Variants in NKAIN3 observed in about 807,000 individuals in gnomAD.
NKAIN3 encodes sodium/potassium transporting ATPase interacting 3.
Under a neutral mutation model 30.2 loss-of-function variants are expected in NKAIN3, and 25 were observed. That is an observed-to-expected ratio of 0.83 (90% CI 0.60 to 1.16). The LOEUF (loss-of-function observed/expected upper bound fraction) is 1.16, where lower values mean the gene tolerates loss of function less well. Among genes scored for constraint, NKAIN3 ranks in the 50% most tolerant of loss-of-function variants. NKAIN3 has a pLI of 0.00. For missense variants in NKAIN3, 225 were observed against 254.1 expected, an observed-to-expected ratio of 0.89 and a Z score of 0.78; for synonymous variants, 91 against 89.6, an observed-to-expected ratio of 1.02 and a Z score of -0.09.
intron 4 of NKAIN3, among the ~76,000 whole-genome samples, chr8:62,747,743 A>G (rs191495102): frequency 6.6e-6 from 1 of 152,304 alleles, no homozygotes; most frequent in African/African-American, 2.4e-5. Context: ...CACAATGAAG[A>G]GTGGAATTAA....
rs527962662 is a variant in NKAIN3, at chr8:62,935,116, T to C, written c.532+16603T>C. Among the ~76,000 whole-genome samples the C allele has an allele frequency of 3.9e-5, 6 of 152,274 alleles. No individual in the cohort carries two copies. The South Asian group carries it at 8.3e-4, about 21-fold the overall frequency. On this transcript the variant is annotated intron_variant, in intron 5 of 6. Transcript: ENST00000623646. ...TATTCCTCAAAATGTGGCACACTAA[T>C]GAATTTTCCCTTCCAAACTAGCTGT...
chr8:62,765,784 G>C (rs910314846), intron 4 of NKAIN3, among the ~76,000 whole-genome samples: 11 of 151,900 alleles, frequency 7.2e-5, no homozygotes, highest in African/African-American at 2.7e-4. Flanking sequence ...ATGTGTGTAT[G>C]CATATATAAT....
Position 62,975,361 on chromosome 8 carries a change from G to A in NKAIN3, c.*9954G>A, listed in dbSNP as rs948662291. On this transcript the variant is annotated 3_prime_UTR_variant, in exon 7 of 7. Coordinates refer to ENST00000623646, the MANE Select transcript of NKAIN3 (RefSeq NM_001304533.3). The stretch of plus-strand genomic sequence containing the variant: ...TCAGAACTTGTTATTGGTCTATTCA[G>A]GGATTCAACTTCTTCCTGGGTTAGT... Among the ~76,000 whole-genome samples, 1 of 152,044 alleles carries A rather than the reference G, an allele frequency of 6.6e-6. No individual in the cohort carries two copies. Among genetic ancestry groups the A allele is most frequent in the Non-Finnish European group, 1.5e-5 (1 of 68,018 alleles).
At chr8:62,299,042 G>A (rs940571238) in intron 1 of NKAIN3, among the ~76,000 whole-genome samples, 28 of 151,812 alleles carry the variant, frequency 1.8e-4, no homozygotes, top group Non-Finnish European at 3.7e-4. Context: ...GAAAAGTATA[G>A]AGATGAGAAG....
chr8:62,324,155 A>T (rs780779179), intron 1 of NKAIN3, among the ~76,000 whole-genome samples: 16 of 152,140 alleles, frequency 1.1e-4, no homozygotes, highest in Non-Finnish European at 2.1e-4. Flanking sequence ...ATTGTAATAA[A>T]TGTACCACAA....
chr8:62,500,706 G>A (rs1278991737), intron 1 of NKAIN3, among the ~76,000 whole-genome samples: 2 of 152,138 alleles, frequency 1.3e-5, no homozygotes, highest in Admixed American at 6.5e-5. Context: ...GTTTGGGCAG[G>A]AAGGGACAAG....
At chr8:62,946,211 A>G (rs538998968) in intron 5 of NKAIN3, among the ~76,000 whole-genome samples, 2 of 152,302 alleles carry the variant, frequency 1.3e-5, no homozygotes, top group South Asian at 4.1e-4. Context: ...TCGGGATCAC[A>G]AAGTTATTTC....
At chr8:62,685,287 T>C (rs1329626955) in intron 3 of NKAIN3, among the ~76,000 whole-genome samples, 1 of 152,184 alleles carries the variant, frequency 6.6e-6, no homozygotes, top group Non-Finnish European at 1.5e-5. Flanking sequence ...GATCTTCTGA[T>C]TGGTCTCTAT....
At chr8:62,657,641 G>T (rs1246754102) in intron 3 of NKAIN3, among the ~76,000 whole-genome samples, 1 of 152,132 alleles carries the variant, frequency 6.6e-6, no homozygotes, top group African/African-American at 2.4e-5. Context: ...TCTATCTGTG[G>T]TACCTAAAAT....
chr8:62,564,082 C>T (rs534716409), intron 1 of NKAIN3, among the ~76,000 whole-genome samples: 7 of 152,310 alleles, frequency 4.6e-5, no homozygotes, highest in South Asian at 4.1e-4. Context: ...AGCTTCAAAA[C>T]GGTGATTTTC....
At chr8:62,650,546 G>A (rs540239593) in intron 3 of NKAIN3, among the ~76,000 whole-genome samples, 2 of 152,180 alleles carry the variant, frequency 1.3e-5, no homozygotes, top group East Asian at 1.9e-4. Context: ...TATTCTTCTC[G>A]ATTGTACATT....
intron 1 of NKAIN3, among the ~76,000 whole-genome samples, chr8:62,307,745 G>A (rs1159005055): frequency 2.0e-5 from 3 of 150,848 alleles, no homozygotes; most frequent in Non-Finnish European, 4.4e-5. Context: ...TTCTCTAAGC[G>A]CAACATGAGA....
At chr8:62,719,753 CTTTTTTTT>C (rs60637445) in intron 3 of NKAIN3, among the ~76,000 whole-genome samples, 1 of 90,472 alleles carries the variant, frequency 1.1e-5, no homozygotes, top group African/African-American at 4.0e-5. Context: ...ACATTTCTTT[CTTTTTTTT>C]TTTTTTTTTT....
At chr8:62,345,468 T>TATATGTAC (rs1815935442) in intron 1 of NKAIN3, among the ~76,000 whole-genome samples, 1 of 23,996 alleles carries the variant, frequency 4.2e-5, no homozygotes, top group Admixed American at 5.5e-4. Context: ...TATATACACA[T>TATATGTAC]ATATACACAT....
At chr8:62,274,823 C>T (rs1812883744) in intron 1 of NKAIN3, among the ~76,000 whole-genome samples, 2 of 150,592 alleles carry the variant, frequency 1.3e-5, no homozygotes, top group Non-Finnish European at 3.0e-5. Flanking sequence ...TCAATTCCCA[C>T]CTATGAGTGA....
At chr8:62,303,711 A>C (rs1441374729) in intron 1 of NKAIN3, among the ~76,000 whole-genome samples, 1 of 150,632 alleles carries the variant, frequency 6.6e-6, no homozygotes, top group African/African-American at 2.5e-5. Flanking sequence ...TTCAAATTCC[A>C]AGTCAAATTG....
chr8:62,346,388 C>T (rs1235334668), intron 1 of NKAIN3, among the ~76,000 whole-genome samples: 1 of 151,892 alleles, frequency 6.6e-6, no homozygotes, highest in Non-Finnish European at 1.5e-5. Context: ...TTTAAAAATC[C>T]AGGAAATTTG....
intron 1 of NKAIN3, among the ~76,000 whole-genome samples, chr8:62,280,016 T>A (rs1419415713): frequency 6.6e-6 from 1 of 152,220 alleles, no homozygotes; most frequent in Non-Finnish European, 1.5e-5. Flanking sequence ...GCATGGAATG[T>A]TCTTCCATTT....
chr8:62,856,394 C>T (rs1820060561), intron 4 of NKAIN3: 2 of 810,824 alleles, frequency 2.5e-6, no homozygotes, highest in African/African-American at 1.7e-5. Flanking sequence ...CTGGATTCCT[C>T]AAAGTGAACC....
Sources: gnomAD v4.1 joint callset for allele counts (sites outside exome capture counted in the v4.1 genomes callset) on GRCh38, gnomAD v4.1.1 for gene constraint, MANE v1.5 for transcripts, NCBI Gene and HGNC (gene_info 2026-07-23, HGNC 2026-07-21) for gene names.